The following SLC39A11 variants were observed in gnomAD, a reference collection of about 807,000 sequenced individuals.
The protein encoded by SLC39A11 is solute carrier family 39 member 11.
SLC39A11 carries 33 observed loss-of-function variants against 36.1 expected under a neutral mutation model. The ratio of observed to expected loss-of-function variants is 0.91; its 90% CI spans 0.69 to 1.22. The LOEUF (loss-of-function observed/expected upper bound fraction) is 1.22. SLC39A11 is among the 50% of genes most tolerant of loss of function. The pLI is 0.00. For synonymous variants in SLC39A11, 166 were observed against 170.3 expected (o/e 0.97, Z 0.20); for missense variants, 432 against 430.3 (o/e 1.00, Z -0.03).
rs114703346 is a variant in SLC39A11, at chr17:72,943,035, T to G, written c.430+4717A>C. The stretch of plus-strand genomic sequence containing the variant: ...TCCAAAGGCACCTAAGGGAGGATGT[T>G]TAACAGGGAAAATGGGAGAAAGGGA... On this transcript the variant is annotated intron_variant, in intron 5 of 9. Transcript: ENST00000255559. Among the ~76,000 whole-genome samples the G allele has an allele frequency of 6.6e-3, 1,011 of 152,268 alleles. 9 individuals carry two copies. Among genetic ancestry groups the G allele is most frequent in the African/African-American group, 0.023 (973 of 41,550 alleles).
chr17:73,021,773 C>T (rs545386400), intron 4 of SLC39A11, among the ~76,000 whole-genome samples: 92 of 152,284 alleles, frequency 6.0e-4, no homozygotes, highest in African/African-American at 1.7e-3. Context: ...CCAGTTACAA[C>T]TTTATGGCCT....
chr17:72,854,290 C>T (rs566287743), intron 5 of SLC39A11, among the ~76,000 whole-genome samples: 2 of 139,628 alleles, frequency 1.4e-5, no homozygotes, highest in African/African-American at 5.5e-5. Context: ...ACTAGGGCCT[C>T]ATGGTTGACT....
At chr17:72,933,812 G>A (rs755064824) in intron 5 of SLC39A11, among the ~76,000 whole-genome samples, 8 of 152,094 alleles carry the variant, frequency 5.3e-5, no homozygotes, top group Non-Finnish European at 1.0e-4. Context: ...GAGCCACCAC[G>A]CCTGGTGCCA....
At chr17:72,746,460 T>TA (rs71154914) in intron 6 of SLC39A11, among the ~76,000 whole-genome samples, 110,450 of 151,712 alleles carry the variant, frequency 0.73, 40,709 homozygotes, top group African/African-American at 0.8. Context: ...TACAAAAAAT[T>TA]AAAAAATTGG....
intron 3 of SLC39A11, among the ~76,000 whole-genome samples, chr17:73,077,036 C>T (rs1424237723): frequency 6.6e-6 from 1 of 151,962 alleles, no homozygotes; most frequent in Admixed American, 6.6e-5. Context: ...TGGAGGGCAA[C>T]ATTGCCCTCG....
At chr17:73,066,750 G>C (rs1285087486) in intron 3 of SLC39A11, among the ~76,000 whole-genome samples, 1 of 152,210 alleles carries the variant, frequency 6.6e-6, no homozygotes, top group Admixed American at 6.5e-5. Flanking sequence ...CCAGGAGATG[G>C]AGAAAAACCA....
At chr17:72,927,086 G>A (rs887893393) in intron 5 of SLC39A11, among the ~76,000 whole-genome samples, 6 of 151,988 alleles carry the variant, frequency 3.9e-5, no homozygotes, top group East Asian at 3.9e-4. Flanking sequence ...TCCCTCTGTC[G>A]CCCAGGCTGG....
chr17:72,670,160 TACACAC>T (rs202032502), intron 7 of SLC39A11, among the ~76,000 whole-genome samples: 5,045 of 104,272 alleles, frequency 0.048, 145 homozygotes, highest in African/African-American at 0.081. Context: ...ACATTTTATA[TACACAC>T]ACACACACAC....
chr17:73,025,032 T>C (rs1353088071), intron 4 of SLC39A11, among the ~76,000 whole-genome samples: 1 of 152,038 alleles, frequency 6.6e-6, no homozygotes, highest in Admixed American at 6.6e-5. Context: ...GGGTACATAT[T>C]CAAAGTACAC....
chr17:72,847,773 A>G lies in SLC39A11; in HGVS notation c.601+1861T>C, dbSNP rs144647026. ...ACAGAGGAACAGACTCACTTTGGCC[A>G]TGCTTTTTGCTTCCACAATACTAAA... On this transcript the variant is annotated intron_variant, in intron 6 of 9. Transcript: ENST00000255559. Among the ~76,000 whole-genome samples, 72 of 152,340 alleles carry G rather than the reference A, an allele frequency of 4.7e-4. 2 individuals carry two copies. The East Asian group carries it at 0.013, about 29-fold the overall frequency.
At chr17:72,706,272 A>G (rs192120221) in intron 7 of SLC39A11, among the ~76,000 whole-genome samples, 1 of 152,286 alleles carries the variant, frequency 6.6e-6, no homozygotes, top group East Asian at 1.9e-4. Flanking sequence ...ACTGGTTTCT[A>G]TTTGAGAAGA....
chr17:72,750,403 T>C (rs969766453), intron 6 of SLC39A11, among the ~76,000 whole-genome samples: 2 of 138,558 alleles, frequency 1.4e-5, no homozygotes, highest in Non-Finnish European at 3.1e-5. Context: ...TAGCACACAC[T>C]TGACTATGGA....
rs138248966 is a variant in SLC39A11 at position 72,947,825 on chromosome 17, C to T, written c.357G>A (p.Thr119=). 1.9e-4 allele frequency: 311 copies of T among 1,614,154 alleles called. 2 individuals carry two copies. The East Asian group carries it at 6.6e-3, about 34-fold the overall frequency. ...QTTLALNFGS[T]LMKKKSDPEG... ...CAGGATCAGACTTCTTCTTCATCAA[C>T]GTAGAGCCGAAGTTCAGTGCCAGGG... is the stretch of plus-strand genomic sequence containing the variant. The change falls in exon 5 of 10, where the codon ACG becomes ACA. Residue 119 remains threonine, a synonymous_variant. Coordinates refer to ENST00000255559, the MANE Select transcript of SLC39A11 (RefSeq NM_139177.4).
At chr17:72,940,495 C>T (rs1160794294) in intron 5 of SLC39A11, among the ~76,000 whole-genome samples, 2 of 152,196 alleles carry the variant, frequency 1.3e-5, no homozygotes, top group Admixed American at 6.5e-5. Context: ...AGGCTGGTCT[C>T]GAACTCCTGA....
chr17:72,710,273 C>T (rs2073060644), intron 7 of SLC39A11, among the ~76,000 whole-genome samples: 1 of 152,176 alleles, frequency 6.6e-6, no homozygotes, highest in African/African-American at 2.4e-5. Flanking sequence ...TTTGTTTTCA[C>T]CTTGATTTGT....
chr17:72,706,154 C>T (rs981353187), intron 7 of SLC39A11, among the ~76,000 whole-genome samples: 3 of 152,112 alleles, frequency 2.0e-5, no homozygotes, highest in African/African-American at 4.8e-5. Flanking sequence ...GGGGTGTCAT[C>T]GTGTTTGTTT....
chr17:72,919,925 T>C (rs1439145713), intron 5 of SLC39A11, among the ~76,000 whole-genome samples: 2 of 152,156 alleles, frequency 1.3e-5, no homozygotes, highest in Admixed American at 6.5e-5. Flanking sequence ...CAAGGACTTC[T>C]TCGAATGCCT....
chr17:72,845,490 G>T (rs898781906), intron 6 of SLC39A11, among the ~76,000 whole-genome samples: 15 of 152,292 alleles, frequency 9.8e-5, no homozygotes, highest in Non-Finnish European at 2.1e-4. Flanking sequence ...ATCTCAAGGA[G>T]CCCCTCCCTA....
chr17:72,892,305 G>C (rs1425591185), intron 5 of SLC39A11, among the ~76,000 whole-genome samples: 1 of 151,434 alleles, frequency 6.6e-6, no homozygotes, highest in African/African-American at 2.4e-5. Context: ...AGCTATTCAA[G>C]AGGCTGAGGT....
Sources: allele counts gnomAD v4.1 joint callset (sites outside exome capture counted in the v4.1 genomes callset), GRCh38; gene constraint gnomAD v4.1.1; transcripts MANE v1.5; gene names NCBI Gene and HGNC (gene_info 2026-07-23, HGNC 2026-07-21).